KCNQ1: variants seen among roughly 807,000 people sequenced by gnomAD.
KCNQ1 encodes the protein potassium voltage-gated channel subfamily KQT member 1.
In KCNQ1, 49 loss-of-function variants were observed where a neutral mutation model predicts 72.4. The observed-to-expected ratio is 0.68, with a 90% confidence interval of 0.54 to 0.86. The LOEUF is 0.86. Ranked by LOEUF, KCNQ1 falls within the 40% of genes least tolerant of loss-of-function variation. The pLI is 0.00. For missense variants in KCNQ1, 790 were observed against 945.1 expected (o/e 0.84, Z 2.15); for synonymous variants, 450 against 412.6 (o/e 1.09, Z -1.10).
At chr11:2,496,035 T>G (rs2133634833) in intron 1 of KCNQ1, among the ~76,000 whole-genome samples, 1 of 152,314 alleles carries the variant, frequency 6.6e-6, no homozygotes. Flanking sequence ...ATTGGGTGCA[T>G]TTATTTAGGA....
Position 2,632,771 on chromosome 11 carries a change from G to C in KCNQ1, c.1394-29190G>C, listed in dbSNP as rs151297763. ...CAGGACTTAATGCTTTATTATGACTGAATAATATTCCATTGTGTATACATA... is the reference window on the plus strand; with the variant it reads ...CAGGACTTAATGCTTTATTATGACTCAATAATATTCCATTGTGTATACATA... On this transcript the variant is annotated intron_variant, in intron 10 of 15. Coordinates refer to ENST00000155840, the MANE Select transcript of KCNQ1 (RefSeq NM_000218.3). 2,615 of 398,370 alleles carry C rather than the reference G, an allele frequency of 6.6e-3. 23 individuals carry two copies. The highest frequency in any genetic ancestry group is 0.017 in the Middle Eastern group (27 of 1,584). 24.7% of individuals were successfully genotyped at this position (398,370 alleles called of 1,614,324 possible). A position where few individuals can be genotyped will look rare whatever the true frequency, so the allele number is the denominator to read the frequency against.
In KCNQ1 at chr11:2,565,260, A is replaced by G. The variant is rs1226790520; in HGVS notation, c.478-5368A>G. Among the ~76,000 whole-genome samples, 4 of 152,142 alleles carry G rather than the reference A, an allele frequency of 2.6e-5. No homozygotes were observed. The highest frequency in any genetic ancestry group is 7.2e-5 in the African/African-American group (3 of 41,422). ...TCCCCCAGCAGCACACAAGGTCCCA[A>G]CTTCTCCGGATCCTTGGGAGCACTT... On this transcript the variant is annotated intron_variant, in intron 2 of 15. Transcript: ENST00000155840. This position sits in a 1 kb window ranked among gnomAD's most constrained non-coding sequence, Gnocchi z 5.6.
intron 15 of KCNQ1, among the ~76,000 whole-genome samples, chr11:2,842,879 G>A (rs1848242880): frequency 6.6e-6 from 1 of 152,218 alleles, no homozygotes. Context: ...TCCTGGGGAA[G>A]GTGCTACAGC....
chr11:2,710,513 A>C lies in KCNQ1; in HGVS notation c.1514+48432A>C, dbSNP rs1387046084. Among the ~76,000 whole-genome samples, 1 of 151,960 alleles carries C rather than the reference A, an allele frequency of 6.6e-6. No individual in the cohort carries two copies. Among genetic ancestry groups the C allele is most frequent in the Non-Finnish European group, 1.5e-5 (1 of 67,984 alleles). ...TCAATTTATCTGTTTCTTTCTTTGGATGCTTATGTTTTTGGTGTCATAACT... is the reference window on the plus strand; with the variant it reads ...TCAATTTATCTGTTTCTTTCTTTGGCTGCTTATGTTTTTGGTGTCATAACT... On this transcript the variant is annotated intron_variant, in intron 11 of 15. Transcript: ENST00000155840. The surrounding 1 kb of genome is among the most constrained non-coding windows in gnomAD (Gnocchi z 4.1).
intron 15 of KCNQ1, among the ~76,000 whole-genome samples, chr11:2,822,090 G>A (rs1590110859): frequency 6.6e-6 from 1 of 152,214 alleles, no homozygotes; most frequent in East Asian, 1.9e-4. Context: ...GAGGCTGAAG[G>A]TGCTGTGCTG....
rs545951916 is a variant in KCNQ1, at chr11:2,579,177, T to C, written c.922-4258T>C. ...GCTCAGGTTTCTGGGCTGGCCTCTGTCCTCCCCTCGAGGCCAGCCTTGAGG... is the reference window on the plus strand; with the variant it reads ...GCTCAGGTTTCTGGGCTGGCCTCTGCCCTCCCCTCGAGGCCAGCCTTGAGG... On this transcript the variant is annotated intron_variant, in intron 6 of 15. Coordinates refer to ENST00000155840, the MANE Select transcript of KCNQ1 (RefSeq NM_000218.3). The surrounding 1 kb of genome is among the most constrained non-coding windows in gnomAD (Gnocchi z 6.0). Among the ~76,000 whole-genome samples, 1 of 152,190 alleles carries C rather than the reference T, an allele frequency of 6.6e-6. No homozygotes were observed. The highest frequency in any genetic ancestry group is 1.5e-5 in the Non-Finnish European group (1 of 67,982).
chr11:2,718,111 G>T (rs545130491), intron 11 of KCNQ1, among the ~76,000 whole-genome samples: 1 of 152,186 alleles, frequency 6.6e-6, no homozygotes, highest in Non-Finnish European at 1.5e-5. Context: ...CGCGTGCCCC[G>T]TCCTGGCTTA....
At chr11:2,845,754 G>T (rs1371451549) in intron 15 of KCNQ1, among the ~76,000 whole-genome samples, 1 of 152,134 alleles carries the variant, frequency 6.6e-6, no homozygotes, top group African/African-American at 2.4e-5. Flanking sequence ...GGGTCCCCTG[G>T]GCTCCTGCTC....
At chr11:2,776,277 C>G (rs950869731) in intron 13 of KCNQ1, among the ~76,000 whole-genome samples, 3 of 152,138 alleles carry the variant, frequency 2.0e-5, no homozygotes, top group South Asian at 2.1e-4. Flanking sequence ...TGTTCCCCGC[C>G]CGGATCTGAG....
At chr11:2,656,952 A>G (rs1046648149) in intron 10 of KCNQ1, 6 of 398,626 alleles carry the variant, frequency 1.5e-5, no homozygotes, top group East Asian at 1.4e-4. Context: ...TGGGTATCCA[A>G]CTGCTCCTGA....
chr11:2,697,624 G>A (rs547960640), intron 11 of KCNQ1: 2 of 398,526 alleles, frequency 5.0e-6, no homozygotes, highest in African/African-American at 4.1e-5. Context: ...CCTCTATTGA[G>A]GGAACCATAT....
intron 15 of KCNQ1, among the ~76,000 whole-genome samples, chr11:2,821,357 C>T (rs1847733885): frequency 6.6e-6 from 1 of 152,202 alleles, no homozygotes; most frequent in African/African-American, 2.4e-5. Flanking sequence ...GAGAATGGTG[C>T]CCATGGGGTC....
chr11:2,820,626 AG>A (rs1367544084), intron 15 of KCNQ1, among the ~76,000 whole-genome samples: 2 of 152,172 alleles, frequency 1.3e-5, no homozygotes, highest in African/African-American at 4.8e-5. Flanking sequence ...AGTTTCTGAG[AG>A]ACAGGCACTA....
In KCNQ1 at chr11:2,477,615, T is replaced by C. The variant is rs894033717; in HGVS notation, c.386+32131T>C. The stretch of plus-strand genomic sequence containing the variant: ...AGTGTGTTAAAAATGACCACACATG[T>C]AGGCTAGGCACAGTAGTTCATGCCT... On this transcript the variant is annotated intron_variant, in intron 1 of 15. Transcript: ENST00000155840. This position sits in a 1 kb window ranked among gnomAD's most constrained non-coding sequence, Gnocchi z 5.0. 1.6e-4 allele frequency among the ~76,000 whole-genome samples: 25 copies of C among 152,034 alleles called. No homozygotes were observed. Among genetic ancestry groups the C allele is most frequent in the Non-Finnish European group, 1.3e-4 (9 of 68,026 alleles).
chr11:2,471,758 T>G lies in KCNQ1; in HGVS notation c.386+26274T>G, dbSNP rs1023113218. ...TATGTGTGCATGGGCGTGTGTGTAC[T>G]TGTGTATGGGTGTGTGCATGTGATT... is the stretch of plus-strand genomic sequence containing the variant. On this transcript the variant is annotated intron_variant, in intron 1 of 15. Transcript: ENST00000155840. The surrounding 1 kb of genome is among the most constrained non-coding windows in gnomAD (Gnocchi z 4.8). Among the ~76,000 whole-genome samples, 1 of 144,418 alleles carries G rather than the reference T, an allele frequency of 6.9e-6. No homozygotes were observed. Among genetic ancestry groups the G allele is most frequent in the South Asian group, 2.2e-4 (1 of 4,534 alleles). 94.7% of individuals were successfully genotyped at this position (144,418 alleles called of 152,430 possible).
rs1315589099 is a variant in KCNQ1 at position 2,687,651 on chromosome 11, CT to C, written c.1514+25571del. The stretch of plus-strand genomic sequence containing the variant: ...CTCAGGCCCCTGTAAAAATTGGGAC[CT>C]GTCCTTGCCAGCCAGGTCTCAGGGA... On this transcript the variant is annotated intron_variant, in intron 11 of 15. Coordinates refer to ENST00000155840, the MANE Select transcript of KCNQ1 (RefSeq NM_000218.3). The surrounding 1 kb of genome is among the most constrained non-coding windows in gnomAD (Gnocchi z 5.0). 2 of 398,562 alleles carry C rather than the reference CT, an allele frequency of 5.0e-6. No homozygotes were observed. The highest frequency in any genetic ancestry group is 4.1e-5 in the African/African-American group (2 of 48,628). 24.7% of individuals were successfully genotyped at this position (398,562 alleles called of 1,614,324 possible). A position where few individuals can be genotyped will look rare whatever the true frequency, so the allele number is the denominator to read the frequency against.
At chr11:2,460,661 G>A (rs571854959) in intron 1 of KCNQ1, among the ~76,000 whole-genome samples, 1 of 152,358 alleles carries the variant, frequency 6.6e-6, no homozygotes, top group African/African-American at 2.4e-5. Flanking sequence ...CCAAAGCCCT[G>A]TGCCCACTGC....
chr11:2,848,172 G>T lies in KCNQ1; in HGVS notation c.*169G>T, dbSNP rs535458696. ...TGCTGTCTGGCACAGCCTGCACTTG[G>T]GGGCTCAGCAAGGCCACCTCTTCCT... On this transcript the variant is annotated 3_prime_UTR_variant, in exon 16 of 16. Transcript: ENST00000155840. 2.3e-5 allele frequency: 17 copies of T among 732,588 alleles called. No individual in the cohort carries two copies. The African/African-American group carries it at 2.6e-4, about 11-fold the overall frequency. The allele number at this position is 732,588 out of a possible 1,614,324, so 45.4% of individuals were successfully genotyped here.
In KCNQ1 at chr11:2,564,625, C is replaced by T. The variant is rs1050036161; in HGVS notation, c.478-6003C>T. 3.3e-5 allele frequency among the ~76,000 whole-genome samples: 5 copies of T among 152,146 alleles called. No individual in the cohort carries two copies. The highest frequency in any genetic ancestry group is 5.9e-5 in the Non-Finnish European group (4 of 68,020). On this transcript the variant is annotated intron_variant, in intron 2 of 15. Transcript: ENST00000155840. The surrounding 1 kb of genome is among the most constrained non-coding windows in gnomAD (Gnocchi z 4.5). Reference sequence around the variant, plus strand: ...AAAATAAAATGGAAATATGTTTTACCATCTTAACCCTTTTTAAGATCACAG... The same window carrying T: ...AAAATAAAATGGAAATATGTTTTACTATCTTAACCCTTTTTAAGATCACAG...
Sources: allele counts gnomAD v4.1 joint callset (sites outside exome capture counted in the v4.1 genomes callset), GRCh38; gene constraint gnomAD v4.1.1; non-coding constraint Gnocchi (gnomAD v3.1); transcripts MANE v1.5; gene names NCBI Gene and HGNC (gene_info 2026-07-23, HGNC 2026-07-21).